The following GRHL3 variants were observed in gnomAD, a reference collection of about 807,000 sequenced individuals.
GRHL3 encodes grainyhead like transcription factor 3.
GRHL3 carries 20 observed loss-of-function variants against 70.3 expected under a neutral mutation model. That is an observed-to-expected ratio of 0.28 (90% CI 0.20 to 0.41). The LOEUF (loss-of-function observed/expected upper bound fraction) is 0.41, where lower values mean the gene tolerates loss of function less well. Among genes scored for constraint, GRHL3 ranks in the 10% least tolerant of loss-of-function variants. GRHL3 has a pLI of 1.00. For missense variants in GRHL3, 637 were observed against 762.3 expected (o/e 0.84, Z 1.94); for synonymous variants, 299 against 299.9 (o/e 1.00, Z 0.03).
intron 14 of GRHL3, among the ~76,000 whole-genome samples, chr1:24,349,506 G>A (rs954896625): frequency 6.6e-6 from 1 of 152,178 alleles, no homozygotes; most frequent in Non-Finnish European, 1.5e-5. Flanking sequence ...GGCTCAGTAC[G>A]CGCCAGGAGC....
Position 24,322,600 on chromosome 1 carries a change from G to A in GRHL3, c.17+3032G>A, listed in dbSNP as rs1639241181. Among the ~76,000 whole-genome samples, 1 of 152,248 alleles carries A rather than the reference G, an allele frequency of 6.6e-6. No individual in the cohort carries two copies. The highest frequency in any genetic ancestry group is 1.5e-5 in the Non-Finnish European group (1 of 68,040). ...AACCCTAACGGCGGCGGCCCGGGCG[G>A]CGCGGGGGTCCTGCGGCTCCGCCAG... On this transcript the variant is annotated intron_variant, in intron 1 of 15. Transcript: ENST00000361548. The surrounding 1 kb of genome is among the most constrained non-coding windows in gnomAD (Gnocchi z 4.4).
At chr1:24,320,653 TCCTGAC>T (rs1639146233) in intron 1 of GRHL3, among the ~76,000 whole-genome samples, 1 of 152,238 alleles carries the variant, frequency 6.6e-6, no homozygotes, top group Admixed American at 6.5e-5. Context: ...CAGTGCTAGG[TCCTGAC>T]TGCAGACCGG....
In GRHL3 at chr1:24,346,561, T is replaced by G. The variant is rs1233311463; in HGVS notation, c.1463T>G (p.Leu488Arg). Reference protein sequence around the residue: ...AGPSSSNRLPLKRTCSPFTEE... With the variant: ...AGPSSSNRLPRKRTCSPFTEE... ...CACTGCCATCCCCACAGGCTGCCTC[T>G]GAAGCGTACCTGCTCGCCCTTCACT... Residue 488 changes from leucine to arginine, a missense_variant, in exon 13 of 16, where the codon CTG becomes CGG. Leu to Arg is a moderately radical substitution (Grantham distance 102). Around this residue, in one of 2 missense-constraint regions of GRHL3, gnomAD observed 387 missense variants for 513.8 expected, o/e 0.75. Coordinates refer to ENST00000361548, the MANE Select transcript of GRHL3 (RefSeq NM_198173.3). 1 of 1,612,526 alleles carries G rather than the reference T, an allele frequency of 6.2e-7. No homozygotes were observed. The highest frequency in any genetic ancestry group is 1.1e-5 in the South Asian group (1 of 91,012).
Position 24,337,767 on chromosome 1 carries a change from C to T in GRHL3, c.818C>T (p.Ala273Val). 1.2e-6 allele frequency: 2 copies of T among 1,614,216 alleles called. No individual in the cohort carries two copies. Among genetic ancestry groups the T allele is most frequent in the Non-Finnish European group, 1.7e-6 (2 of 1,180,042 alleles). Reference sequence around the variant, plus strand: ...ACCCCAGCAGGTGGCAAAGGCCTTGCCTTGTCCTCCAACAAAGTCAAGGTG... The same window carrying T: ...ACCCCAGCAGGTGGCAAAGGCCTTGTCTTGTCCTCCAACAAAGTCAAGGTG... ...LRTPAGGKGLALSSNKVKSVV... is the reference protein window; with the variant it reads ...LRTPAGGKGLVLSSNKVKSVV... The change falls in exon 6 of 16, where the codon GCC (alanine) becomes GTC (valine). Residue 273 changes from alanine to valine, a missense_variant. This residue lies in a region of GRHL3 where 387 missense variants were observed against 513.8 expected (regional missense o/e 0.75). Transcript: ENST00000361548.
At chr1:24,346,285 T>C (rs1640281494) in intron 12 of GRHL3, among the ~76,000 whole-genome samples, 1 of 152,184 alleles carries the variant, frequency 6.6e-6, no homozygotes, top group Non-Finnish European at 1.5e-5. Context: ...ATTGCTATCA[T>C]TGCTTTCTCA....
chr1:24,339,536 C>G (rs1639958104), intron 7 of GRHL3, 132 bp from the exon 8 acceptor site: 1 of 574,264 alleles, frequency 1.7e-6, no homozygotes, highest in Non-Finnish European at 3.2e-6. Flanking sequence ...GCCTCGGCCT[C>G]CCAAAGTGCT....
At chr1:24,357,859 G>C (rs546362309), downstream of GRHL3, 6 of 307,250 alleles carry the variant, frequency 2.0e-5, no homozygotes, top group African/African-American at 1.3e-4. Flanking sequence ...CGCCAGCAGA[G>C]AAAGTCAGGG....
At position 24,321,111 on chromosome 1, in the gene GRHL3, A is replaced by G. The variant is rs1332165940; in HGVS notation, c.17+1543A>G. On this transcript the variant is annotated intron_variant, in intron 1 of 15. Coordinates refer to ENST00000361548, the MANE Select transcript of GRHL3 (RefSeq NM_198173.3). This position sits in a 1 kb window ranked among gnomAD's most constrained non-coding sequence, Gnocchi z 4.0. Reference sequence around the variant, plus strand: ...CTTGACATGTGTCTCCATCCCACTTAAATTTGCTGGCTAAAACTGCGGAGG... The same window carrying G: ...CTTGACATGTGTCTCCATCCCACTTGAATTTGCTGGCTAAAACTGCGGAGG... 6.6e-6 allele frequency among the ~76,000 whole-genome samples: 1 copy of G among 152,234 alleles called. No individual in the cohort carries two copies. The highest frequency in any genetic ancestry group is 1.5e-5 in the Non-Finnish European group (1 of 68,040).
In GRHL3 at chr1:24,319,406, A is replaced by T. The variant is rs1033880220; in HGVS notation, c.-146A>T. ...CCAATCAGCGCCAGCGCTGCTGGGA[A>T]CCTACCTGTCAGCAAAATCTCGACA... is the stretch of plus-strand genomic sequence containing the variant. On this transcript the variant is annotated 5_prime_UTR_variant, in exon 1 of 16. Coordinates refer to ENST00000361548, the MANE Select transcript of GRHL3 (RefSeq NM_198173.3). The T allele has an allele frequency of 4.7e-5, 40 of 852,222 alleles. No homozygotes were observed. Among genetic ancestry groups the T allele is most frequent in the East Asian group, 1.2e-4 (5 of 41,080 alleles). The allele number at this position is 852,222 out of a possible 1,614,324, so 52.8% of individuals were successfully genotyped here.
chr1:24,339,574 C>T lies in GRHL3; in HGVS notation c.953-94C>T, dbSNP rs547673273. ...GATTACAGGCGTGAGAAACCACGCC[C>T]GGCCGAGTGAGGCCCAGTTTTTAAT... On this transcript the variant is annotated intron_variant, in intron 7 of 15. Transcript: ENST00000361548. The T allele has an allele frequency of 3.0e-4, 242 of 795,376 alleles. 1 individual carries two copies. Among genetic ancestry groups the T allele is most frequent in the Non-Finnish European group, 4.6e-4 (224 of 486,878 alleles). 49.3% of individuals were successfully genotyped at this position (795,376 alleles called of 1,614,324 possible).
chr1:24,361,653 C>T (rs1171733605), intron 15 of GRHL3, among the ~76,000 whole-genome samples: 10 of 152,176 alleles, frequency 6.6e-5, no homozygotes, highest in African/African-American at 1.2e-4. Context: ...GGAAAAGCAC[C>T]GGGCTGGAAA....
rs549102088 is a variant in GRHL3 at position 24,364,151 on chromosome 1, G to A, written c.1695-34G>A. ...AAACACCAACTTTCCCTGCAAACTC[G>A]AATTCAATTCTTGACGTTCTCACTT... On this transcript the variant is annotated intron_variant, in intron 15 of 15. Transcript: ENST00000350501. 7.7e-5 allele frequency: 113 copies of A among 1,474,070 alleles called. 1 individual carries two copies. In the South Asian group the frequency reaches 1.4e-3, roughly 18 times the overall value. The allele number at this position is 1,474,070 out of a possible 1,614,324, so 91.3% of individuals were successfully genotyped here.
In GRHL3 at chr1:24,342,053, G is replaced by A. The variant is rs759387719; in HGVS notation, c.1048-62G>A. ...AGAAAGCTAGAAATACAGGATCACT[G>A]TGGGACGGTGGGGCTGGCCACCTGG... On this transcript the variant is annotated intron_variant, in intron 8 of 15. Coordinates refer to ENST00000361548, the MANE Select transcript of GRHL3 (RefSeq NM_198173.3). The surrounding 1 kb of genome is among the most constrained non-coding windows in gnomAD (Gnocchi z 4.8). The A allele has an allele frequency of 1.4e-6, 2 of 1,460,186 alleles. No individual in the cohort carries two copies. Among genetic ancestry groups the A allele is most frequent in the Non-Finnish European group, 9.3e-7 (1 of 1,080,706 alleles). 90.5% of individuals were successfully genotyped at this position (1,460,186 alleles called of 1,614,324 possible).
intron 15 of GRHL3, among the ~76,000 whole-genome samples, chr1:24,351,830 C>T (rs1389764233): frequency 6.6e-6 from 1 of 152,178 alleles, no homozygotes; most frequent in Non-Finnish European, 1.5e-5. Context: ...GCATCACTCC[C>T]AAGCATCATC....
At chr1:24,328,211 C>T (rs1265112483) in intron 1 of GRHL3, among the ~76,000 whole-genome samples, 1 of 152,222 alleles carries the variant, frequency 6.6e-6, no homozygotes, top group African/African-American at 2.4e-5. Flanking sequence ...ACTGTGTAGT[C>T]CGACAGCTCC....
intron 1 of GRHL3, chr1:24,320,059 T>C: frequency 5.9e-6 from 1 of 168,832 alleles, no homozygotes; most frequent in Non-Finnish European, 1.3e-5. Context: ...TGTGTACTCT[T>C]TGTAGTGGGC....
chr1:24,364,381 C>G, exon 16 of GRHL3: 1 of 1,531,162 alleles, frequency 6.5e-7, no homozygotes, highest in Non-Finnish European at 8.8e-7. Context: ...ACACACCCAC[C>G]TGGAGGAGAG....
chr1:24,356,177 G>C (rs1640710930), downstream of GRHL3, among the ~76,000 whole-genome samples: 1 of 152,036 alleles, frequency 6.6e-6, no homozygotes, highest in South Asian at 2.1e-4. Context: ...GGGATTACAG[G>C]CGTGAGCCAC....
downstream of GRHL3, chr1:24,358,707 C>T: frequency 1.0e-6 from 1 of 986,506 alleles, no homozygotes; most frequent in African/African-American, 1.6e-5. Flanking sequence ...CTGGAAAGGC[C>T]TGGGGACCCC....
Sources: allele counts gnomAD v4.1 joint callset (sites outside exome capture counted in the v4.1 genomes callset), GRCh38; gene constraint gnomAD v4.1.1; regional missense constraint gnomAD v4.1.1; non-coding constraint Gnocchi (gnomAD v3.1); transcripts MANE v1.5; gene names NCBI Gene and HGNC (gene_info 2026-07-23, HGNC 2026-07-21).